TSPEAR: variants seen among roughly 807,000 people sequenced by gnomAD.
TSPEAR encodes the protein thrombospondin-type laminin G domain and EAR repeat-containing protein.
Under a neutral mutation model 71.6 loss-of-function variants are expected in TSPEAR, and 69 were observed. That is an observed-to-expected ratio of 0.96 (90% CI 0.79 to 1.18). The LOEUF is 1.18. Ranked by LOEUF, TSPEAR falls within the 50% of genes most tolerant of loss-of-function variation. The pLI, the probability that TSPEAR is intolerant of heterozygous loss-of-function variation, is 0.00. For synonymous variants in TSPEAR, 402 were observed against 387.2 expected (o/e 1.04, Z -0.45); for missense variants, 971 against 894.9 (o/e 1.09, Z -1.09).
intron 1 of TSPEAR, among the ~76,000 whole-genome samples, chr21:44,651,374 A>G (rs1229469662): frequency 2.0e-5 from 3 of 152,136 alleles, no homozygotes; most frequent in Admixed American, 2.0e-4. Flanking sequence ...TGTGGCCACA[A>G]ACTTAGTAGC....
chr21:44,526,449 GT>G (rs1411010718), intron 7 of TSPEAR, among the ~76,000 whole-genome samples: 11 of 139,754 alleles, frequency 7.9e-5, no homozygotes, highest in East Asian at 2.0e-4. Context: ...TTGATGCAAA[GT>G]TTTTTTTATA....
intron 1 of TSPEAR, among the ~76,000 whole-genome samples, chr21:44,656,782 T>G (rs1454153233): frequency 2.0e-5 from 3 of 152,224 alleles, no homozygotes; most frequent in African/African-American, 7.2e-5. Flanking sequence ...CTCTCTTCTC[T>G]TTCCAAGGTT....
At chr21:44,525,608 C>T in intron 8 of TSPEAR, 45 bp downstream of exon 8, 1 of 1,595,826 alleles carries the variant, frequency 6.3e-7, no homozygotes, top group Non-Finnish European at 8.6e-7. Context: ...CTCGCTCTGC[C>T]CCTGGAATGG....
At chr21:44,508,008 G>A (rs1417835926) in intron 10 of TSPEAR, 1 of 152,188 alleles carries the variant, frequency 6.6e-6, no homozygotes, top group Non-Finnish European at 1.5e-5. Flanking sequence ...TAAGATATTA[G>A]TAAGTTAACA....
At chr21:44,526,349 A>C (rs148104580) in intron 7 of TSPEAR, among the ~76,000 whole-genome samples, 2 of 152,334 alleles carry the variant, frequency 1.3e-5, no homozygotes, top group African/African-American at 4.8e-5. Flanking sequence ...ATGTGCTTGG[A>C]GGCAAGGACG....
chr21:44,608,004 C>T (rs1255865629), intron 1 of TSPEAR, among the ~76,000 whole-genome samples: 1 of 152,102 alleles, frequency 6.6e-6, no homozygotes. Flanking sequence ...CCAGGAAAGA[C>T]AAACCTATTT....
At chr21:44,538,537 G>A (rs1185118933) in intron 2 of TSPEAR, among the ~76,000 whole-genome samples, 6 of 151,822 alleles carry the variant, frequency 4.0e-5, no homozygotes, top group African/African-American at 7.3e-5. Context: ...TGTCTCCTGC[G>A]CAGGTGCAGC....
chr21:44,709,255 C>T (rs1000233087), intron 1 of TSPEAR, among the ~76,000 whole-genome samples: 1 of 152,258 alleles, frequency 6.6e-6, no homozygotes, highest in Non-Finnish European at 1.5e-5. Flanking sequence ...GCAGCCCACT[C>T]TCCTGGGTCC....
At chr21:44,614,148 G>A (rs1981913531) in intron 1 of TSPEAR, among the ~76,000 whole-genome samples, 8 of 152,112 alleles carry the variant, frequency 5.3e-5, no homozygotes, top group Admixed American at 5.2e-4. Flanking sequence ...ATCTTGCTCT[G>A]TCCACAGCAT....
chr21:44,627,701 C>A (rs1555934782), intron 1 of TSPEAR: 1 of 1,603,438 alleles, frequency 6.2e-7, no homozygotes, highest in South Asian at 1.1e-5. Context: ...ACTTCCTCCC[C>A]CTGCCAGCAG....
At chr21:44,677,707 G>A (rs1373197137) in intron 1 of TSPEAR, 5 of 1,426,572 alleles carry the variant, frequency 3.5e-6, no homozygotes, top group Non-Finnish European at 4.9e-6. Flanking sequence ...TTTTGGAGTT[G>A]TGAGGCAGGC....
intron 1 of TSPEAR, among the ~76,000 whole-genome samples, chr21:44,708,086 CGA>C (rs1988033371): frequency 6.8e-6 from 1 of 147,688 alleles, no homozygotes; most frequent in Non-Finnish European, 1.5e-5. Context: ...AGAGAGCGAG[CGA>C]GAGAGGACGG....
At chr21:44,528,383 C>T in intron 6 of TSPEAR, 69 bp downstream of exon 6, 1 of 1,602,296 alleles carries the variant, frequency 6.2e-7, no homozygotes, top group South Asian at 1.1e-5. Flanking sequence ...CTCTCCTAGC[C>T]TCCACTCCCA....
At chr21:44,650,448 A>ATGG (rs1555941209) in intron 1 of TSPEAR, among the ~76,000 whole-genome samples, 9 of 152,330 alleles carry the variant, frequency 5.9e-5, no homozygotes, top group East Asian at 1.9e-4. Context: ...CCACGTGACG[A>ATGG]CGGGGGCAGA....
intron 3 of TSPEAR, among the ~76,000 whole-genome samples, chr21:44,532,287 G>C (rs1197117922): frequency 1.3e-5 from 2 of 152,250 alleles, no homozygotes; most frequent in Non-Finnish European, 2.9e-5. Flanking sequence ...TGAGGCAGGT[G>C]AACGTTTGTC....
chr21:44,591,831 G>T (rs1979898135), intron 1 of TSPEAR: 1 of 1,598,580 alleles, frequency 6.3e-7, no homozygotes, highest in East Asian at 2.3e-5. Flanking sequence ...AGGAGGTGCA[G>T]CAAGTTGGCT....
chr21:44,586,503 G>A (rs1979347670), intron 1 of TSPEAR, among the ~76,000 whole-genome samples: 1 of 152,154 alleles, frequency 6.6e-6, no homozygotes, highest in Non-Finnish European at 1.5e-5. Context: ...AAGCTCACCT[G>A]CTGCAAGGAC....
In TSPEAR at chr21:44,627,115, T is replaced by A. The variant is rs587743943; in HGVS notation, c.83-59110A>T. ...CTCACACACTCACAAACTCACTCACTGACACACTCACACACTCACTTACAC... is the reference window on the plus strand; with the variant it reads ...CTCACACACTCACAAACTCACTCACAGACACACTCACACACTCACTTACAC... On this transcript the variant is annotated intron_variant, in intron 1 of 11. Coordinates refer to ENST00000323084, the MANE Select transcript of TSPEAR (RefSeq NM_144991.3). 5.0e-4 allele frequency: 798 copies of A among 1,581,540 alleles called. 4 individuals are homozygous for A. Among genetic ancestry groups the A allele is most frequent in the Middle Eastern group, 4.8e-3 (22 of 4,586 alleles).
chr21:44,561,885 G>A (rs1315070660), intron 2 of TSPEAR, among the ~76,000 whole-genome samples: 1 of 152,096 alleles, frequency 6.6e-6, no homozygotes, highest in Non-Finnish European at 1.5e-5. Context: ...TACTGAATGA[G>A]CAAAAGCTGA....
Sources: allele counts gnomAD v4.1 joint callset (sites outside exome capture counted in the v4.1 genomes callset), GRCh38; gene constraint gnomAD v4.1.1; transcripts MANE v1.5; gene names NCBI Gene and HGNC (gene_info 2026-07-23, HGNC 2026-07-21).